Variants in MUC5AC observed in about 807,000 individuals in gnomAD.
MUC5AC encodes the protein mucin-5AC.
Under a neutral mutation model 169.7 loss-of-function variants are expected in MUC5AC, and 158 were observed. The ratio of observed to expected loss-of-function variants is 0.93; its 90% confidence interval spans 0.82 to 1.06. The LOEUF is 1.06. Ranked by LOEUF, MUC5AC falls within the 50% of genes least tolerant of loss-of-function variation. MUC5AC has a pLI of 0.00. For missense variants in MUC5AC, 4,359 were observed against 3,089.9 expected, an observed-to-expected ratio of 1.41 and a Z score of -9.74; for synonymous variants, 1,975 against 1,237.0, an observed-to-expected ratio of 1.60 and a Z score of -12.52.
chr11:1,165,214 T>C (rs1860285970), intron 9 of MUC5AC, 88 bp from the exon 10 acceptor site: 3 of 1,264,798 alleles, frequency 2.4e-6, no homozygotes, highest in South Asian at 1.4e-5. Context: ...AGGCCCCAGC[T>C]CGCTGTGGGG....
chr11:1,186,157 T>A lies in MUC5AC; in HGVS notation c.8012T>A (p.Val2671Asp), dbSNP rs1259955585. The A allele has an allele frequency of 3.0e-6, 2 of 668,216 alleles. No homozygotes were observed. The highest frequency in any genetic ancestry group is 2.9e-5 in the South Asian group (2 of 69,710). 41.4% of individuals were successfully genotyped at this position (668,216 alleles called of 1,614,324 possible). Residue 2671 changes from valine to aspartate, a missense_variant, in exon 31 of 49, where the codon GTT becomes GAT. Transcript: ENST00000621226. ...GTTCCTACCACCAGCACAATCTCTGTTCCTACCACCAGCACAACTTCTGCT... is the reference window on the plus strand; with the variant it reads ...GTTCCTACCACCAGCACAATCTCTGATCCTACCACCAGCACAACTTCTGCT... ...SPVPTTSTIS[V>D]PTTSTTSAST...
Position 1,185,734 on chromosome 11 carries a change from C to T in MUC5AC, c.7589C>T (p.Thr2530Ile). The T allele has an allele frequency of 1.4e-6, 1 of 738,080 alleles. No individual in the cohort carries two copies. Among genetic ancestry groups the T allele is most frequent in the Non-Finnish European group, 2.5e-6 (1 of 401,662 alleles). 45.7% of individuals were successfully genotyped at this position (738,080 alleles called of 1,614,324 possible). The change falls in exon 31 of 49, where the codon ACT (threonine) becomes ATT (isoleucine). Residue 2530 changes from threonine to isoleucine, a missense_variant. Physicochemically the swap from Thr to Ile is moderately conservative, Grantham distance 89 (BLOSUM62 -1). Transcript: ENST00000621226. Reference protein sequence around the residue: ...STTSTTSGAGTTPSPVPTTST... With the variant: ...STTSTTSGAGITPSPVPTTST... ...ACCAGCACAACCTCTGGTGCTGGAA[C>T]TACTCCCAGCCCTGTTCCCACCACC...
At chr11:1,168,437 G>A in intron 12 of MUC5AC, 46 bp from the exon 13 acceptor site, 2 of 1,584,054 alleles carry the variant, frequency 1.3e-6, no homozygotes, top group Middle Eastern at 1.7e-4. Context: ...GGGCTGAGGT[G>A]CCGCAAGCCT....
Position 1,178,569 on chromosome 11 carries a change from C to A in MUC5AC, c.3213C>A (p.Cys1071Ter). Residue 1071 changes from cysteine (C) to a stop codon, truncating the protein, a stop_gained, in exon 25 of 49, where the codon TGC (cysteine) becomes TGA (stop). Coordinates refer to ENST00000621226, the MANE Select transcript of MUC5AC (RefSeq NM_001304359.2). LOFTEE classifies it high-confidence loss of function. The stretch of plus-strand genomic sequence containing the variant: ...ACAGCTGGAAGCTCTCCCCCTCCTG[C>A]CCAGATGCCCTGGCGCCCAAGGACC... Reference protein sequence around the residue: ...FGNSWKLSPSCPDALAPKDPC... With the variant: ...FGNSWKLSPS 7.1e-7 allele frequency: 1 copy of A among 1,398,894 alleles called. No individual in the cohort carries two copies. The highest frequency in any genetic ancestry group is 9.4e-7 in the Non-Finnish European group (1 of 1,061,774). 86.7% of individuals were successfully genotyped at this position (1,398,894 alleles called of 1,614,324 possible). A position where few individuals can be genotyped will look rare whatever the true frequency, so the allele number is the denominator to read the frequency against.
At chr11:1,162,776 G>C in intron 5 of MUC5AC, 130 bp downstream of exon 5, 1 of 1,002,276 alleles carries the variant, frequency 1.0e-6, no homozygotes, top group Non-Finnish European at 1.5e-6. Flanking sequence ...CCACACAGCA[G>C]GCAAGAACAG....
Position 1,196,665 on chromosome 11 carries a change from G to T in MUC5AC, c.15774G>T (p.Glu5258Asp). Residue 5258 changes from glutamate to aspartate, a missense_variant, in exon 39 of 49, where the codon GAG becomes GAT. Glu to Asp is a conservative substitution (Grantham distance 45). Coordinates refer to ENST00000621226, the MANE Select transcript of MUC5AC (RefSeq NM_001304359.2). ...TCACCGAAGGCTGCTTCTGTCCGGA[G>T]GGCATGACCCTCTTCAGCACCAGTG... ...GPITEGCFCP[E>D]GMTLFSTSAQ... The T allele has an allele frequency of 1.3e-6, 1 of 762,720 alleles. No individual in the cohort carries two copies. The highest frequency in any genetic ancestry group is 2.4e-5 in the East Asian group (1 of 41,104). 47.2% of individuals were successfully genotyped at this position (762,720 alleles called of 1,614,324 possible). A position where few individuals can be genotyped will look rare whatever the true frequency, so the allele number is the denominator to read the frequency against.
Position 1,192,157 on chromosome 11 carries a change from T to A in MUC5AC, c.14012T>A (p.Ile4671Asn). 1 of 764,896 alleles carries A rather than the reference T, an allele frequency of 1.3e-6. No individual in the cohort carries two copies. Among genetic ancestry groups the A allele is most frequent in the Non-Finnish European group, 2.4e-6 (1 of 417,866 alleles). The allele number at this position is 764,896 out of a possible 1,614,324, so 47.4% of individuals were successfully genotyped here. ...AAAATCTGCCGCCGACCTGAGGAGA[T>A]CACCAGGCTCCAGTGCCGAGCCGAG... ...GEKICRRPEE[I>N]TRLQCRAESH... The change falls in exon 31 of 49, where the codon ATC becomes AAC. Residue 4671 changes from isoleucine to asparagine, a missense_variant. Coordinates refer to ENST00000621226, the MANE Select transcript of MUC5AC (RefSeq NM_001304359.2).
rs1860217842 is a variant in MUC5AC, at chr11:1,163,810, C to T, written c.680-72C>T. 3.2e-6 allele frequency: 4 copies of T among 1,245,454 alleles called. No homozygotes were observed. In the Admixed American group the frequency reaches 5.9e-5, roughly 18 times the overall value. 77.2% of individuals were successfully genotyped at this position (1,245,454 alleles called of 1,614,324 possible). A position where few individuals can be genotyped will look rare whatever the true frequency, so the allele number is the denominator to read the frequency against. On this transcript the variant is annotated intron_variant, in intron 6 of 48. Coordinates refer to ENST00000621226, the MANE Select transcript of MUC5AC (RefSeq NM_001304359.2). Reference sequence around the variant, plus strand: ...CACCCCAGGGACCCGGCCCTGGGGGCTCTGCTGCTCGGGTGCTGGGCTGAC... The same window carrying T: ...CACCCCAGGGACCCGGCCCTGGGGGTTCTGCTGCTCGGGTGCTGGGCTGAC...
chr11:1,198,666 GCT>G (rs1471132704), intron 43 of MUC5AC, among the ~76,000 whole-genome samples: 2 of 152,138 alleles, frequency 1.3e-5, no homozygotes, highest in African/African-American at 2.4e-5. Flanking sequence ...GCAGCGTGGG[GCT>G]CTGCTCTAGG....
Position 1,162,084 on chromosome 11 carries a change from C to A in MUC5AC, c.389C>A (p.Ala130Asp), listed in dbSNP as rs574789070. 6.2e-7 allele frequency: 1 copy of A among 1,612,550 alleles called. No homozygotes were observed. The highest frequency in any genetic ancestry group is 1.7e-5 in the Admixed American group (1 of 59,992). ...CTACGCCGCAGCCAGGAGTCAGCGG[C>A]CCCCACGCTGAGCAGGGTCCTCATG... ...IQLRRSQESA[A>D]PTLSRVLMKV... Residue 130 changes from alanine (A) to aspartate (D), a missense_variant, in exon 4 of 49, where the codon GCC (alanine) becomes GAC (aspartate). Ala to Asp is a moderately radical substitution (Grantham distance 126, BLOSUM62 -2). Transcript: ENST00000621226.
Position 1,189,226 on chromosome 11 carries a change from C to T in MUC5AC, c.11081C>T (p.Thr3694Ile). ...SIPSTTSAPT[T>I]STTSAPTTST... is the part of the protein sequence containing the mutation. Reference sequence around the variant, plus strand: ...CCCAGCACAACCTCTGCCCCAACAACCAGCACAACCTCTGCTCCCACAACG... The same window carrying T: ...CCCAGCACAACCTCTGCCCCAACAATCAGCACAACCTCTGCTCCCACAACG... The change falls in exon 31 of 49, where the codon ACC becomes ATC. Residue 3694 changes from threonine (T) to isoleucine (I), a missense_variant. Coordinates refer to ENST00000621226, the MANE Select transcript of MUC5AC (RefSeq NM_001304359.2). 3.3e-6 allele frequency: 2 copies of T among 597,428 alleles called. No homozygotes were observed. The highest frequency in any genetic ancestry group is 6.0e-6 in the Non-Finnish European group (2 of 336,022). 37.0% of individuals were successfully genotyped at this position (597,428 alleles called of 1,614,324 possible).
intron 15 of MUC5AC, among the ~76,000 whole-genome samples, chr11:1,171,847 C>A (rs1278573805): frequency 1.4e-5 from 2 of 146,170 alleles, no homozygotes; most frequent in Non-Finnish European, 1.5e-5. Context: ...ACTCACTCAC[C>A]CACTCACCCA....
At position 1,186,255 on chromosome 11, in the gene MUC5AC, C is replaced by T. The variant is rs1299944021; in HGVS notation, c.8110C>T (p.Pro2704Ser). Residue 2704 changes from proline (P) to serine (S), a missense_variant, in exon 31 of 49, where the codon CCC becomes TCC. By Grantham distance (74) the Pro-to-Ser change is moderately conservative. Transcript: ENST00000621226. ...SGPGTTPSPV[P>S]TTSTTSAPTT... is the part of the protein sequence containing the mutation. ...TCCTGGAACTACTCCCAGCCCTGTT[C>T]CCACCACCAGCACAACCTCTGCTCC... 4.0e-6 allele frequency: 3 copies of T among 747,272 alleles called. No homozygotes were observed. The highest frequency in any genetic ancestry group is 7.3e-6 in the Non-Finnish European group (3 of 408,940). 46.3% of individuals were successfully genotyped at this position (747,272 alleles called of 1,614,324 possible). A position where few individuals can be genotyped will look rare whatever the true frequency, so the allele number is the denominator to read the frequency against.
At position 1,192,233 on chromosome 11, in the gene MUC5AC, C is replaced by T. The variant is rs1419635996; in HGVS notation, c.14088C>T (p.Ser4696=). 9.1e-6 allele frequency: 7 copies of T among 765,124 alleles called. No homozygotes were observed. The highest frequency in any genetic ancestry group is 1.4e-5 in the Non-Finnish European group (6 of 417,912). 47.4% of individuals were successfully genotyped at this position (765,124 alleles called of 1,614,324 possible). A position where few individuals can be genotyped will look rare whatever the true frequency, so the allele number is the denominator to read the frequency against. Residue 4696 remains serine, a synonymous_variant, in exon 31 of 49, where the codon AGC becomes AGT. Transcript: ENST00000621226. ...IEHLGQVVQC[S]REEGLVCRNQ... ...ACCTGGGTCAGGTGGTGCAGTGCAG[C>T]CGTGAAGAGGGCCTGGTGTGCCGGA...
At chr11:1,195,452 G>A (rs1024079103) in intron 36 of MUC5AC, among the ~76,000 whole-genome samples, 173 bp downstream of exon 36, 8 of 151,822 alleles carry the variant, frequency 5.3e-5, no homozygotes. Flanking sequence ...TGCCGGGGAG[G>A]GGTGGGCAGT....
intron 25 of MUC5AC, 133 bp from the exon 26 acceptor site, chr11:1,178,959 T>TGG: frequency 2.5e-6 from 1 of 396,758 alleles, no homozygotes; most frequent in Non-Finnish European, 4.3e-6. Context: ...GCCGGCCACT[T>TGG]GGGGATGGGC....
At chr11:1,160,426 T>A (rs1319418794) in intron 1 of MUC5AC, among the ~76,000 whole-genome samples, 186 bp from the exon 2 acceptor site, 1 of 151,122 alleles carries the variant, frequency 6.6e-6, no homozygotes, top group East Asian at 2.0e-4. Context: ...GGCTCAGACT[T>A]CAGACTCACA....
rs1255845307 is a variant in MUC5AC, at chr11:1,162,120, G to A, written c.425G>A (p.Gly142Asp). 6.2e-7 allele frequency: 1 copy of A among 1,612,584 alleles called. No individual in the cohort carries two copies. ...TLSRVLMKVD[G>D]VVIQLTKGSV... The stretch of plus-strand genomic sequence containing the variant: ...AGCAGGGTCCTCATGAAGGTGGATG[G>A]CGTGGTCATCCAGCTGACCAAGGGC... Residue 142 changes from glycine to aspartate, a missense_variant, in exon 4 of 49, where the codon GGC becomes GAC. By Grantham distance (94) the Gly-to-Asp change is moderately conservative (BLOSUM62 -1). Coordinates refer to ENST00000621226, the MANE Select transcript of MUC5AC (RefSeq NM_001304359.2).
Position 1,186,837 on chromosome 11 carries a change from A to G in MUC5AC, c.8692A>G (p.Thr2898Ala). The change falls in exon 31 of 49, where the codon ACC becomes GCC. Residue 2898 changes from threonine (T) to alanine (A), a missense_variant. Physicochemically the swap from Thr to Ala is moderately conservative, Grantham distance 58 (BLOSUM62 0). Transcript: ENST00000621226. Reference protein sequence around the residue: ...PTTSTTSAPTTRTTSAPTTST... With the variant: ...PTTSTTSAPTARTTSAPTTST... ...CACCAGTACAACCTCTGCTCCTACAACCAGAACAACCTCTGCTCCTACAAC... is the reference window on the plus strand; with the variant it reads ...CACCAGTACAACCTCTGCTCCTACAGCCAGAACAACCTCTGCTCCTACAAC... The G allele has an allele frequency of 1.4e-6, 1 of 697,750 alleles. No homozygotes were observed. Among genetic ancestry groups the G allele is most frequent in the Non-Finnish European group, 2.6e-6 (1 of 382,852 alleles). The allele number at this position is 697,750 out of a possible 1,614,324, so 43.2% of individuals were successfully genotyped here.
Sources: allele counts gnomAD v4.1 joint callset (sites outside exome capture counted in the v4.1 genomes callset), GRCh38; gene constraint gnomAD v4.1.1; transcripts MANE v1.5; gene names NCBI Gene and HGNC (gene_info 2026-07-23, HGNC 2026-07-21).